Variants in FAT3 observed in about 807,000 individuals in gnomAD.
The protein encoded by FAT3 is FAT atypical cadherin 3, also known as protocadherin Fat 3.
FAT3 carries 95 observed loss-of-function variants against 310.2 expected under a neutral mutation model. That is an observed-to-expected ratio of 0.31 (90% CI 0.26 to 0.36). The LOEUF (loss-of-function observed/expected upper bound fraction) is 0.36, where lower values mean the gene tolerates loss of function less well. Among genes scored for constraint, FAT3 ranks in the 10% least tolerant of loss-of-function variants. FAT3 has a pLI of 1.00. For synonymous variants in FAT3, 2,314 were observed against 2,192.9 expected (o/e 1.06, Z -1.54); for missense variants, 5,408 against 5,715.6 (o/e 0.95, Z 1.74).
intron 23 of FAT3, 33 bp from the exon 24 acceptor site, chr11:92,882,705 T>C (rs2136407087): frequency 1.9e-6 from 3 of 1,566,058 alleles, no homozygotes; most frequent in Non-Finnish European, 2.6e-6. Context: ...GCACTGGTCC[T>C]GACGGTGGGG....
At chr11:92,841,110 G>A (rs962124367) in intron 18 of FAT3, among the ~76,000 whole-genome samples, 3 of 152,092 alleles carry the variant, frequency 2.0e-5, no homozygotes, top group African/African-American at 7.2e-5. Context: ...GTCATAAGGG[G>A]ACTTAGCCAT....
At chr11:92,629,806 C>G (rs924205513) in intron 3 of FAT3, among the ~76,000 whole-genome samples, 1 of 152,152 alleles carries the variant, frequency 6.6e-6, no homozygotes, top group African/African-American at 2.4e-5. Context: ...TGCCCCATGT[C>G]TCTCATTCCA....
At chr11:92,626,462 A>G (rs1185611772) in intron 3 of FAT3, among the ~76,000 whole-genome samples, 2 of 151,078 alleles carry the variant, frequency 1.3e-5, no homozygotes, top group African/African-American at 4.8e-5. Flanking sequence ...AAATTGGCGT[A>G]GCGTATCTCT....
chr11:92,792,823 G>A lies in FAT3; in HGVS notation c.4668G>A (p.Val1556=). The A allele has an allele frequency of 6.2e-7, 1 of 1,613,856 alleles. No individual in the cohort carries two copies. The highest frequency in any genetic ancestry group is 1.1e-5 in the South Asian group (1 of 91,080). The stretch of plus-strand genomic sequence containing the variant: ...ACTTGGCCCGAGTCATTGTGAATGT[G>A]GAGGATGCTAATGATCACAGTCCTT... The part of the protein sequence containing the change: ...RRNLARVIVN[V]EDANDHSPYF... Residue 1556 remains valine (V), a synonymous_variant, in exon 9 of 28, where the codon GTG becomes GTA. Coordinates refer to ENST00000525166, the MANE Select transcript of FAT3 (RefSeq NM_001367949.2).
intron 3 of FAT3, among the ~76,000 whole-genome samples, chr11:92,662,491 G>A (rs1046843383): frequency 3.3e-5 from 5 of 152,264 alleles, no homozygotes; most frequent in African/African-American, 1.2e-4. Context: ...TGACAACTGA[G>A]GTTACAGCCT....
intron 1 of FAT3, among the ~76,000 whole-genome samples, chr11:92,332,326 C>T (rs1250144472): frequency 1.3e-5 from 2 of 152,170 alleles, no homozygotes; most frequent in Non-Finnish European, 2.9e-5. Flanking sequence ...TTCTGTGATC[C>T]ACCTCAGATG....
intron 2 of FAT3, among the ~76,000 whole-genome samples, chr11:92,360,020 G>T (rs1055438733): frequency 6.6e-6 from 1 of 151,532 alleles, no homozygotes; most frequent in Non-Finnish European, 1.5e-5. Flanking sequence ...GGGTCAAATG[G>T]TATTTCTAGT....
chr11:92,587,155 T>A (rs938493605), intron 3 of FAT3, among the ~76,000 whole-genome samples: 1 of 152,058 alleles, frequency 6.6e-6, no homozygotes, highest in East Asian at 1.9e-4. Flanking sequence ...AAATTGTGTG[T>A]ACTTTTACAG....
At chr11:92,569,387 A>G (rs1241625646) in intron 3 of FAT3, among the ~76,000 whole-genome samples, 3 of 152,224 alleles carry the variant, frequency 2.0e-5, no homozygotes, top group Admixed American at 6.5e-5. Flanking sequence ...GCAATCACAC[A>G]TAAGTATGCC....
intron 1 of FAT3, among the ~76,000 whole-genome samples, chr11:92,347,902 A>T (rs2134610471): frequency 6.6e-6 from 1 of 152,288 alleles, no homozygotes; most frequent in Non-Finnish European, 1.5e-5. Flanking sequence ...AGCATCTAAA[A>T]TACTGTATCA....
At chr11:92,434,132 T>C (rs1950872070) in intron 2 of FAT3, among the ~76,000 whole-genome samples, 1 of 151,832 alleles carries the variant, frequency 6.6e-6, no homozygotes, top group Admixed American at 6.6e-5. Context: ...GCTTAGTTAA[T>C]CCACCATGAG....
At chr11:92,255,714 A>G (rs925169958) in intron 1 of FAT3, among the ~76,000 whole-genome samples, 3 of 152,168 alleles carry the variant, frequency 2.0e-5, no homozygotes, top group Non-Finnish European at 2.9e-5. Flanking sequence ...GGATAAGAGT[A>G]ACACCTGCCC....
intron 1 of FAT3, among the ~76,000 whole-genome samples, chr11:92,263,340 C>A (rs200816794): frequency 1.3e-5 from 2 of 151,252 alleles, no homozygotes; most frequent in Non-Finnish European, 3.0e-5. Context: ...ACACACACAC[C>A]ACACACACAC....
In FAT3 at chr11:92,561,250, CGTGTGTGTGT is replaced by C. The variant is rs66585879; in HGVS notation, c.3607+36333_3607+36342del. 3.4e-3 allele frequency among the ~76,000 whole-genome samples: 502 copies of C among 148,490 alleles called. 1 individual carries two copies. The highest frequency in any genetic ancestry group is 6.7e-3 in the African/African-American group (267 of 40,134). On this transcript the variant is annotated intron_variant, in intron 3 of 27. Transcript: ENST00000525166. ...GACAGTCTCTCAGATCCTTCTACTT[CGTGTGTGTGT>C]GTGTGTGTGTGTGTGTGTGTGTGTG...
chr11:92,559,478 G>T, intron 3 of FAT3: 1 of 376,740 alleles, frequency 2.7e-6, no homozygotes, highest in Non-Finnish European at 5.3e-6. Context: ...TCGAACTCCT[G>T]GATTCAAGGG....
intron 2 of FAT3, among the ~76,000 whole-genome samples, chr11:92,382,932 A>G (rs187623257): frequency 2.0e-5 from 3 of 152,278 alleles, no homozygotes; most frequent in East Asian, 3.9e-4. Flanking sequence ...AGATCATTCC[A>G]TGACCTAAGT....
intron 21 of FAT3, among the ~76,000 whole-genome samples, chr11:92,861,453 G>T (rs1208328174): frequency 2.0e-5 from 3 of 152,190 alleles, no homozygotes; most frequent in Non-Finnish European, 2.9e-5. Flanking sequence ...GGCAGCTCCA[G>T]CTCCTAAGGT....
chr11:92,638,713 T>A (rs1941857027), intron 3 of FAT3, among the ~76,000 whole-genome samples: 1 of 152,150 alleles, frequency 6.6e-6, no homozygotes, highest in Non-Finnish European at 1.5e-5. Context: ...GATGTAAATT[T>A]TGCTATCCTG....
chr11:92,509,995 A>G (rs1262501346), intron 2 of FAT3, among the ~76,000 whole-genome samples: 6 of 152,122 alleles, frequency 3.9e-5, no homozygotes, highest in African/African-American at 9.7e-5. Context: ...AGATTCATCT[A>G]TCTTCTACCT....
Sources: gnomAD v4.1 joint callset for allele counts (sites outside exome capture counted in the v4.1 genomes callset) on GRCh38, gnomAD v4.1.1 for gene constraint, MANE v1.5 for transcripts, NCBI Gene and HGNC (gene_info 2026-07-23, HGNC 2026-07-21) for gene names.